The following AVEN variants were observed in gnomAD, a reference collection of about 807,000 sequenced individuals.
AVEN encodes apoptosis and caspase activation inhibitor.
AVEN carries 41 observed loss-of-function variants against 38.1 expected under a neutral mutation model. That is an observed-to-expected ratio of 1.08 (90% CI 0.84 to 1.40). AVEN has a LOEUF of 1.40. Among genes scored for constraint, AVEN ranks in the 40% most tolerant of loss-of-function variants. The pLI is 0.00. For missense variants in AVEN, 605 were observed against 438.8 expected (o/e 1.38, Z -3.38); for synonymous variants, 206 against 171.8 (o/e 1.20, Z -1.56).
chr15:34,000,179 G>C (rs532720), intron 2 of AVEN, among the ~76,000 whole-genome samples: 108,639 of 152,008 alleles, frequency 0.71, 39,057 homozygotes, highest in East Asian at 0.85. Flanking sequence ...TCTAAAACTG[G>C]TTAACAGCCC....
At chr15:33,965,437 G>A (rs1279940096) in intron 2 of AVEN, among the ~76,000 whole-genome samples, 1 of 152,116 alleles carries the variant, frequency 6.6e-6, no homozygotes, top group African/African-American at 2.4e-5. Flanking sequence ...AAAAACTGGA[G>A]AGCATAAAGG....
the AVEN span, chr15:33,853,518 G>A: frequency 0.016 from 26,307 of 1,603,584 alleles, 1,673 homozygotes; most frequent in East Asian, 0.25. Flanking sequence ...TGGTGGTGGC[G>A]TGTGGCCTGA....
chr15:33,861,102 G>A (rs1245486928), intron 11 of AVEN: 2 of 1,594,220 alleles, frequency 1.3e-6, no homozygotes, highest in African/African-American at 1.3e-5. Context: ...CTGTGGGATT[G>A]GCAATGACTA....
chr15:33,860,546 C>T lies in AVEN; in HGVS notation n.2730-1452G>A, dbSNP rs775025796. On this transcript the variant is annotated intron_variant and non_coding_transcript_variant, in intron 11 of 11. Coordinates refer to the AVEN transcript ENST00000675287. Reference sequence around the variant, plus strand: ...AGCTTCTTCCTTTATCATTCCTCTACCCCTGAACCACTACACAGATTGCTT... The same window carrying T: ...AGCTTCTTCCTTTATCATTCCTCTATCCCTGAACCACTACACAGATTGCTT... The T allele has an allele frequency of 1.5e-5, 17 of 1,148,214 alleles. No homozygotes were observed. The East Asian group carries it at 2.3e-4, about 16-fold the overall frequency. 71.1% of individuals were successfully genotyped at this position (1,148,214 alleles called of 1,614,324 possible). A position where few individuals can be genotyped will look rare whatever the true frequency, so the allele number is the denominator to read the frequency against.
intron 1 of AVEN, among the ~76,000 whole-genome samples, chr15:34,004,971 T>TA (rs1040589941): frequency 6.8e-5 from 10 of 146,238 alleles, no homozygotes; most frequent in African/African-American, 1.7e-4. Flanking sequence ...AGTGTGGACT[T>TA]AAAAAAAATA....
chr15:33,980,936 A>G (rs1015294581), intron 2 of AVEN, among the ~76,000 whole-genome samples: 1 of 152,210 alleles, frequency 6.6e-6, no homozygotes, highest in East Asian at 1.9e-4. Flanking sequence ...ATCAGAACTT[A>G]AAAAAGATTA....
intron 2 of AVEN, among the ~76,000 whole-genome samples, chr15:33,971,190 T>C (rs1047395227): frequency 1.3e-5 from 2 of 152,214 alleles, no homozygotes; most frequent in African/African-American, 4.8e-5. Context: ...CTGTTATTGA[T>C]AGATTTAACA....
In AVEN at chr15:33,983,158, G is replaced by GTGTATA. The variant is rs1373777751; in HGVS notation, c.445+19873_445+19874insTATACA. Among the ~76,000 whole-genome samples, 511 of 136,300 alleles carry GTGTATA rather than the reference G, an allele frequency of 3.7e-3. 3 individuals carry two copies. The highest frequency in any genetic ancestry group is 0.014 in the African/African-American group (493 of 35,294). The allele number at this position is 136,300 out of a possible 152,430, so 89.4% of individuals were successfully genotyped here. ...TGTGTGTGTGTGTGTGTGTGTGTGT[G>GTGTATA]TATGTGTGTGTGTATATATACACAC... is the stretch of plus-strand genomic sequence containing the variant. On this transcript the variant is annotated intron_variant, in intron 2 of 5. Coordinates refer to ENST00000306730, the MANE Select transcript of AVEN (RefSeq NM_020371.3).
At chr15:33,930,976 T>C (rs2339344) in intron 2 of AVEN, among the ~76,000 whole-genome samples, 94,229 of 145,500 alleles carry the variant, frequency 0.65, 31,013 homozygotes, top group East Asian at 0.75. Flanking sequence ...AAAAAAAAAC[T>C]TAAGGATTAC....
chr15:33,886,576 T>C (rs1891711705), intron 2 of AVEN, among the ~76,000 whole-genome samples: 1 of 152,176 alleles, frequency 6.6e-6, no homozygotes, highest in South Asian at 2.1e-4. Flanking sequence ...GGAGAGTTGA[T>C]GGTTTTATAA....
At chr15:33,861,037 T>C (rs1179779678) in intron 11 of AVEN, 2 of 1,409,060 alleles carry the variant, frequency 1.4e-6, no homozygotes, top group Admixed American at 3.9e-5. Flanking sequence ...CCTGCCTATA[T>C]TATGCCAACA....
At chr15:33,871,946 A>G (rs1283325042) in intron 3 of AVEN, among the ~76,000 whole-genome samples, 1 of 152,210 alleles carries the variant, frequency 6.6e-6, no homozygotes, top group Non-Finnish European at 1.5e-5. Context: ...ATAATAATAA[A>G]TCAGCATTTT....
intron 2 of AVEN, among the ~76,000 whole-genome samples, chr15:33,998,790 C>T (rs1376044787): frequency 6.6e-6 from 1 of 152,220 alleles, no homozygotes; most frequent in Non-Finnish European, 1.5e-5. Flanking sequence ...TTCTACCACT[C>T]ATGCTCAGTC....
At chr15:33,937,095 C>T (rs1402499079) in intron 2 of AVEN, among the ~76,000 whole-genome samples, 1 of 136,302 alleles carries the variant, frequency 7.3e-6, no homozygotes, top group Non-Finnish European at 1.5e-5. Flanking sequence ...CGCGCCACTG[C>T]CCTTCAGCCT....
At chr15:33,938,209 A>T (rs1188567300) in intron 2 of AVEN, among the ~76,000 whole-genome samples, 3 of 152,176 alleles carry the variant, frequency 2.0e-5, no homozygotes, top group Non-Finnish European at 4.4e-5. Flanking sequence ...TAATCCCATT[A>T]CTTTGGGAGG....
At chr15:34,067,710 A>G (rs1198845386) in intron 2 of AVEN, among the ~76,000 whole-genome samples, 1 of 152,168 alleles carries the variant, frequency 6.6e-6, no homozygotes, top group Non-Finnish European at 1.5e-5. Flanking sequence ...TCCCTTCCCT[A>G]TGGGACAAGG....
At chr15:33,920,742 C>T (rs1424460983) in intron 2 of AVEN, among the ~76,000 whole-genome samples, 1 of 152,182 alleles carries the variant, frequency 6.6e-6, no homozygotes, top group Admixed American at 6.5e-5. Flanking sequence ...AAGACACTTA[C>T]ATGTTTGATG....
At chr15:33,991,391 A>C (rs1453961246) in intron 2 of AVEN, 1 of 152,196 alleles carries the variant, frequency 6.6e-6, no homozygotes, top group Non-Finnish European at 1.5e-5. Context: ...AATGCTTGAG[A>C]GGATGGATAC....
At chr15:33,981,996 A>G (rs12438655) in intron 2 of AVEN, among the ~76,000 whole-genome samples, 38,311 of 151,266 alleles carry the variant, frequency 0.25, 6,507 homozygotes, top group African/African-American at 0.47. Flanking sequence ...GACTACAGGT[A>G]CATGCCACCA....
Sources: gnomAD v4.1 joint callset for allele counts (sites outside exome capture counted in the v4.1 genomes callset) on GRCh38, gnomAD v4.1.1 for gene constraint, MANE v1.5 for transcripts, NCBI Gene and HGNC (gene_info 2026-07-23, HGNC 2026-07-21) for gene names.